GRM7: variants seen among roughly 807,000 people sequenced by gnomAD.
GRM7 encodes the protein glutamate metabotropic receptor 7.
A neutral mutation model predicts 84.5 loss-of-function variants in GRM7; 35 were observed. That is an observed-to-expected ratio of 0.41 (90% CI 0.32 to 0.55). GRM7 has a LOEUF of 0.55. Ranked by LOEUF, GRM7 falls within the 20% of genes least tolerant of loss-of-function variation. The pLI is 0.19. For synonymous variants in GRM7, 487 were observed against 455.1 expected (o/e 1.07, Z -0.89); for missense variants, 1,003 against 1,194.6 (o/e 0.84, Z 2.36).
At position 7,188,343 on chromosome 3, in the gene GRM7, G is replaced by A. The variant is rs936297888; in HGVS notation, c.736+41675G>A. The stretch of plus-strand genomic sequence containing the variant: ...GTAGGTATGTTATATAATATAATCT[G>A]TAATTAAAACTTTAGTCTGACAATA... On this transcript the variant is annotated intron_variant, in intron 2 of 9. Transcript: ENST00000357716. This position sits in a 1 kb window ranked among gnomAD's most constrained non-coding sequence, Gnocchi z 4.2. 6.6e-6 allele frequency among the ~76,000 whole-genome samples: 1 copy of A among 152,094 alleles called. No individual in the cohort carries two copies. The highest frequency in any genetic ancestry group is 1.5e-5 in the Non-Finnish European group (1 of 68,018).
At chr3:7,276,090 T>C (rs1397661321) in intron 2 of GRM7, among the ~76,000 whole-genome samples, 1 of 152,118 alleles carries the variant, frequency 6.6e-6, no homozygotes, top group African/African-American at 2.4e-5. Flanking sequence ...AAAAGAGCTG[T>C]TGGTATTTCA....
chr3:7,527,335 TG>T (rs556246701), intron 7 of GRM7, among the ~76,000 whole-genome samples: 26 of 152,196 alleles, frequency 1.7e-4, no homozygotes, highest in African/African-American at 5.3e-4. Flanking sequence ...TGAATGTTAT[TG>T]GTGTATAGAA....
In GRM7 at chr3:7,450,069, A is replaced by G. The variant is rs540190108; in HGVS notation, c.1175-2538A>G. Among the ~76,000 whole-genome samples the G allele has an allele frequency of 4.6e-5, 7 of 152,160 alleles. No homozygotes were observed. The East Asian group carries it at 1.2e-3, about 25-fold the overall frequency. ...TGCAACTTAATCTCAAAGAGTTAAT[A>G]TATCTAATTAAATTTAAAAAGAGAA... On this transcript the variant is annotated intron_variant, in intron 5 of 9. Transcript: ENST00000357716.
At position 6,890,986 on chromosome 3, in the gene GRM7, A is replaced by G. The variant is rs886257678; in HGVS notation, c.519+29079A>G. Reference sequence around the variant, plus strand: ...GAATTGATCCCTTTACCATTATGTAATGGCCTTCTTTGTGTCTTTTGATCT... The same window carrying G: ...GAATTGATCCCTTTACCATTATGTAGTGGCCTTCTTTGTGTCTTTTGATCT... On this transcript the variant is annotated intron_variant, in intron 1 of 9. Coordinates refer to ENST00000357716, the MANE Select transcript of GRM7 (RefSeq NM_000844.4). 5.9e-5 allele frequency among the ~76,000 whole-genome samples: 9 copies of G among 152,192 alleles called. No homozygotes were observed. In the East Asian group the frequency reaches 1.7e-3, roughly 29 times the overall value.
At chr3:6,981,121 A>G (rs577634492) in intron 1 of GRM7, among the ~76,000 whole-genome samples, 41 of 152,324 alleles carry the variant, frequency 2.7e-4, no homozygotes, top group Non-Finnish European at 4.7e-4. Flanking sequence ...TGAAGTTCAG[A>G]TAAGGTTTAA....
At chr3:7,299,775 T>C (rs1699934711) in intron 3 of GRM7, among the ~76,000 whole-genome samples, 2 of 152,144 alleles carry the variant, frequency 1.3e-5, no homozygotes, top group Admixed American at 1.3e-4. Context: ...CAGAATTTTA[T>C]TTTACATAGG....
rs763325610 is a variant in GRM7 at position 7,578,520 on chromosome 3, A to G, written c.1614A>G (p.Gly538=). The G allele has an allele frequency of 3.1e-6, 5 of 1,613,938 alleles. No individual in the cohort carries two copies. In the Admixed American group the frequency reaches 8.3e-5, roughly 27 times the overall value. Residue 538 remains glycine, a synonymous_variant, in exon 8 of 10, where the codon GGA becomes GGG. Coordinates refer to ENST00000357716, the MANE Select transcript of GRM7 (RefSeq NM_000844.4). ...KPGQRKKTQK[G]TPCCWTCEPC... is the part of the protein sequence containing the mutation. ...GACAGAGAAAGAAGACACAGAAAGG[A>G]ACTCCTTGCTGTTGGACCTGTGAGC...
At chr3:6,945,676 C>A (rs1307962025) in intron 1 of GRM7, among the ~76,000 whole-genome samples, 1 of 152,084 alleles carries the variant, frequency 6.6e-6, no homozygotes, top group Non-Finnish European at 1.5e-5. Context: ...TACAGTCCCA[C>A]CAACAGTGTA....
intron 7 of GRM7, among the ~76,000 whole-genome samples, chr3:7,546,902 C>G (rs1279473185): frequency 6.6e-6 from 1 of 152,122 alleles, no homozygotes; most frequent in African/African-American, 2.4e-5. Flanking sequence ...ACTTAATAAG[C>G]CATTGAAAAA....
At chr3:7,418,232 C>A (rs1345275704) in intron 5 of GRM7, among the ~76,000 whole-genome samples, 1 of 152,136 alleles carries the variant, frequency 6.6e-6, no homozygotes, top group Non-Finnish European at 1.5e-5. Flanking sequence ...AATCTGAGAG[C>A]TAGACATTCT....
At chr3:6,897,210 T>C (rs1021367418) in intron 1 of GRM7, among the ~76,000 whole-genome samples, 1 of 152,186 alleles carries the variant, frequency 6.6e-6, no homozygotes, top group African/African-American at 2.4e-5. Context: ...ACAGCTTCTT[T>C]AGTTATTGTG....
chr3:7,193,474 G>T (rs1395538861), intron 2 of GRM7, among the ~76,000 whole-genome samples: 1 of 152,048 alleles, frequency 6.6e-6, no homozygotes, highest in Non-Finnish European at 1.5e-5. Context: ...AGAATTTCAT[G>T]GACCTCTCAC....
chr3:7,365,785 C>T (rs1693864608), intron 4 of GRM7, among the ~76,000 whole-genome samples: 1 of 150,530 alleles, frequency 6.6e-6, no homozygotes, highest in Non-Finnish European at 1.5e-5. Flanking sequence ...TATTTTATAG[C>T]TTCTTTCACA....
Position 7,664,933 on chromosome 3 carries a change from C to T in GRM7, c.2452-15116C>T, listed in dbSNP as rs116232890. Among the ~76,000 whole-genome samples, 1,485 of 152,180 alleles carry T rather than the reference C, an allele frequency of 9.8e-3. 19 individuals are homozygous for T. The highest frequency in any genetic ancestry group is 0.034 in the African/African-American group (1,412 of 41,524). Reference sequence around the variant, plus strand: ...CACACATCAGCAGAATCAGACATTGCAACCTGTTCATGTTTCAGACAATAT... The same window carrying T: ...CACACATCAGCAGAATCAGACATTGTAACCTGTTCATGTTTCAGACAATAT... On this transcript the variant is annotated intron_variant, in intron 8 of 9. Coordinates refer to ENST00000357716, the MANE Select transcript of GRM7 (RefSeq NM_000844.4).
chr3:7,190,269 G>A (rs1269110895), intron 2 of GRM7, among the ~76,000 whole-genome samples: 1 of 152,022 alleles, frequency 6.6e-6, no homozygotes, highest in Non-Finnish European at 1.5e-5. Flanking sequence ...CAGGCATTTG[G>A]CATTCATTTT....
intron 1 of GRM7, among the ~76,000 whole-genome samples, chr3:6,977,878 C>T (rs765599351): frequency 1.3e-4 from 20 of 152,058 alleles, no homozygotes; most frequent in Non-Finnish European, 2.5e-4. Context: ...AAAATAAGAA[C>T]GTTTCCCTAA....
intron 2 of GRM7, among the ~76,000 whole-genome samples, chr3:7,182,245 A>G (rs886787119): frequency 6.6e-6 from 1 of 152,200 alleles, no homozygotes; most frequent in South Asian, 2.1e-4. Flanking sequence ...AAAATAAAAG[A>G]GTATCCTAAT....
chr3:7,126,918 T>C (rs953677983), intron 1 of GRM7, among the ~76,000 whole-genome samples: 2 of 152,338 alleles, frequency 1.3e-5, no homozygotes, highest in East Asian at 3.9e-4. Flanking sequence ...CCCTGAGATA[T>C]TGAGAACAAG....
chr3:7,323,229 G>C (rs1018664793), intron 4 of GRM7, among the ~76,000 whole-genome samples: 1 of 152,148 alleles, frequency 6.6e-6, no homozygotes, highest in African/African-American at 2.4e-5. Flanking sequence ...AGGAGAGGGA[G>C]ATAGTTGTGA....
Sources: gnomAD v4.1 joint callset for allele counts (sites outside exome capture counted in the v4.1 genomes callset) on GRCh38, gnomAD v4.1.1 for gene constraint, Gnocchi (gnomAD v3.1) non-coding constraint, MANE v1.5 for transcripts, NCBI Gene and HGNC (gene_info 2026-07-23, HGNC 2026-07-21) for gene names.